EYS: variants seen among roughly 807,000 people sequenced by gnomAD.
EYS encodes the protein protein eyes shut homolog.
EYS carries 250 observed loss-of-function variants against 282.1 expected under a neutral mutation model. The observed-to-expected ratio is 0.89, with a 90% confidence interval of 0.80 to 0.98. The LOEUF (loss-of-function observed/expected upper bound fraction) is 0.98. Among genes scored for constraint, EYS ranks in the 50% least tolerant of loss-of-function variants. The probability of loss-of-function intolerance (pLI) is 0.00; values close to 1 mark genes in which losing one functional copy is unlikely to be tolerated. For synonymous variants in EYS, 1,355 were observed against 1,282.9 expected, an observed-to-expected ratio of 1.06 and a Z score of -1.20; for missense variants, 4,016 against 3,709.0, an observed-to-expected ratio of 1.08 and a Z score of -2.15.
At chr6:65,653,273 CAAG>C (rs1334098416) in intron 1 of EYS, among the ~76,000 whole-genome samples, 3 of 151,838 alleles carry the variant, frequency 2.0e-5, no homozygotes, top group African/African-American at 7.2e-5. Context: ...CAGAGCACAG[CAAG>C]AAAAGAACAA....
chr6:64,931,567 T>C (rs1486251236), intron 15 of EYS, among the ~76,000 whole-genome samples: 4 of 152,128 alleles, frequency 2.6e-5, no homozygotes, highest in Non-Finnish European at 5.9e-5. Flanking sequence ...GATATCCAGA[T>C]GATTAAAAAG....
At chr6:63,840,518 C>T (rs939914824) in intron 36 of EYS, among the ~76,000 whole-genome samples, 4 of 151,732 alleles carry the variant, frequency 2.6e-5, no homozygotes, top group African/African-American at 9.7e-5. Flanking sequence ...TTTTCCTTTG[C>T]GGTGCAGAAA....
rs1034972662 is a variant in EYS, at chr6:64,941,665, G to T, written c.2381+4128C>A. 5.9e-5 allele frequency among the ~76,000 whole-genome samples: 9 copies of T among 152,048 alleles called. No individual in the cohort carries two copies. The South Asian group carries it at 1.9e-3, about 31-fold the overall frequency. On this transcript the variant is annotated intron_variant, in intron 15 of 42. Transcript: ENST00000503581. ...TTATTACTGCCCTCTTTATGTCCAC[G>T]AGTACCCAGTGTTTAGCTTCCACTT...
intron 5 of EYS, among the ~76,000 whole-genome samples, chr6:65,430,858 C>T (rs1024569787): frequency 9.2e-5 from 14 of 152,092 alleles, no homozygotes; most frequent in African/African-American, 1.9e-4. Flanking sequence ...AGAGCCCTTG[C>T]GTCCTGAAAA....
chr6:64,410,194 A>G (rs1288257166), intron 28 of EYS, among the ~76,000 whole-genome samples: 1 of 152,088 alleles, frequency 6.6e-6, no homozygotes, highest in African/African-American at 2.4e-5. Context: ...CCTGGCTAAC[A>G]TTTTATCTTT....
At chr6:65,255,711 T>G (rs1329566434) in intron 12 of EYS, among the ~76,000 whole-genome samples, 1 of 151,978 alleles carries the variant, frequency 6.6e-6, no homozygotes, top group Non-Finnish European at 1.5e-5. Context: ...GAACAGACAT[T>G]TCTAAAAACA....
chr6:64,065,668 T>C (rs192980198), intron 33 of EYS, among the ~76,000 whole-genome samples: 1 of 152,298 alleles, frequency 6.6e-6, no homozygotes, highest in Admixed American at 6.5e-5. Context: ...GCAGCTGTAC[T>C]CCATAGATAT....
intron 22 of EYS, among the ~76,000 whole-genome samples, chr6:64,794,195 C>T (rs984428518): frequency 6.6e-6 from 1 of 152,126 alleles, no homozygotes; most frequent in Non-Finnish European, 1.5e-5. Flanking sequence ...GCTATTTATG[C>T]AAAGGAATTG....
chr6:64,237,089 C>G (rs1766633537), intron 30 of EYS, among the ~76,000 whole-genome samples: 1 of 152,108 alleles, frequency 6.6e-6, no homozygotes, highest in Non-Finnish European at 1.5e-5. Context: ...AACTTTTACT[C>G]TACTTATACC....
intron 32 of EYS, among the ~76,000 whole-genome samples, chr6:64,070,936 T>C (rs906749190): frequency 1.3e-5 from 2 of 152,046 alleles, no homozygotes; most frequent in African/African-American, 4.8e-5. Flanking sequence ...TTTGACCTTC[T>C]GGACACTTGA....
intron 12 of EYS, among the ~76,000 whole-genome samples, chr6:65,265,251 T>G (rs1010046108): frequency 6.6e-6 from 1 of 152,080 alleles, no homozygotes; most frequent in African/African-American, 2.4e-5. Context: ...AAAATAAAAG[T>G]TGGAAAAAGA....
At chr6:65,063,363 AG>A (rs1482734352) in intron 12 of EYS, among the ~76,000 whole-genome samples, 1 of 152,028 alleles carries the variant, frequency 6.6e-6, no homozygotes. Flanking sequence ...TCTAAACAAA[AG>A]TCTTACTTTA....
At chr6:65,082,552 C>G (rs1774256412) in intron 12 of EYS, among the ~76,000 whole-genome samples, 1 of 152,024 alleles carries the variant, frequency 6.6e-6, no homozygotes, top group Non-Finnish European at 1.5e-5. Flanking sequence ...ACTTCAAATA[C>G]AGAATCTCAG....
At chr6:65,500,482 C>T (rs1338652751) in intron 2 of EYS, among the ~76,000 whole-genome samples, 3 of 151,816 alleles carry the variant, frequency 2.0e-5, no homozygotes, top group African/African-American at 4.8e-5. Flanking sequence ...ATGCTATAAG[C>T]GCAGGTAGAT....
chr6:64,729,599 T>TC (rs987258100), intron 22 of EYS, among the ~76,000 whole-genome samples: 16 of 152,218 alleles, frequency 1.1e-4, no homozygotes, highest in Non-Finnish European at 2.2e-4. Context: ...TGAACTCATG[T>TC]CAACCCATAG....
intron 14 of EYS, among the ~76,000 whole-genome samples, chr6:64,983,972 G>T (rs74820607): frequency 6.6e-6 from 1 of 151,220 alleles, no homozygotes; most frequent in East Asian, 2.0e-4. Context: ...AAAGTAGAGC[G>T]CTGTCTAAAG....
chr6:64,849,876 G>C (rs1311783036), intron 19 of EYS, among the ~76,000 whole-genome samples: 1 of 151,242 alleles, frequency 6.6e-6, no homozygotes, highest in Non-Finnish European at 1.5e-5. Flanking sequence ...AAAAAAGAAA[G>C]GTATGTGATT....
At chr6:63,955,729 C>T (rs1765788140) in intron 35 of EYS, among the ~76,000 whole-genome samples, 1 of 152,194 alleles carries the variant, frequency 6.6e-6, no homozygotes, top group African/African-American at 2.4e-5. Flanking sequence ...TAAAAAAAAA[C>T]TCAAGGATAC....
At chr6:64,610,341 G>A (rs1767071655) in intron 24 of EYS, among the ~76,000 whole-genome samples, 1 of 151,600 alleles carries the variant, frequency 6.6e-6, no homozygotes, top group Non-Finnish European at 1.5e-5. Flanking sequence ...TATCTACATA[G>A]GTCTATGAGG....
Sources: allele counts gnomAD v4.1 joint callset (sites outside exome capture counted in the v4.1 genomes callset), GRCh38; gene constraint gnomAD v4.1.1; transcripts MANE v1.5; gene names NCBI Gene and HGNC (gene_info 2026-07-23, HGNC 2026-07-21).